Variants in TSHZ2 observed in about 807,000 individuals in gnomAD.
TSHZ2 encodes teashirt homolog 2.
A neutral mutation model predicts 74.4 loss-of-function variants in TSHZ2; 21 were observed. The observed-to-expected ratio is 0.28, with a 90% CI of 0.20 to 0.41. TSHZ2 has a LOEUF of 0.41. Ranked by LOEUF, TSHZ2 falls within the 10% of genes least tolerant of loss-of-function variation. The probability of loss-of-function intolerance (pLI) is 1.00; values close to 1 mark genes in which losing one functional copy is unlikely to be tolerated. For synonymous variants in TSHZ2, 540 were observed against 515.3 expected (o/e 1.05, Z -0.65); for missense variants, 1,244 against 1,293.5 (o/e 0.96, Z 0.59).
intron 1 of TSHZ2, among the ~76,000 whole-genome samples, chr20:53,175,303 G>A (rs551941771): frequency 6.6e-6 from 1 of 151,724 alleles, no homozygotes; most frequent in South Asian, 2.1e-4. Flanking sequence ...ACCACGCCTG[G>A]CTAATTTTTT....
At chr20:53,180,113 ATTAC>A (rs1251787244) in intron 1 of TSHZ2, among the ~76,000 whole-genome samples, 2 of 152,064 alleles carry the variant, frequency 1.3e-5, no homozygotes, top group African/African-American at 2.4e-5. Flanking sequence ...TTCCCCATTA[ATTAC>A]TTCAGTAGCT....
chr20:53,028,443 A>G (rs1477891617), intron 1 of TSHZ2, among the ~76,000 whole-genome samples: 2 of 152,240 alleles, frequency 1.3e-5, no homozygotes, highest in African/African-American at 4.8e-5. Flanking sequence ...TTTATTGCCT[A>G]ACACCTTGGC....
intron 2 of TSHZ2, among the ~76,000 whole-genome samples, chr20:53,440,664 C>G (rs373956541): frequency 6.6e-6 from 1 of 152,074 alleles, no homozygotes; most frequent in South Asian, 2.1e-4. Flanking sequence ...TTGGCTGTGC[C>G]GTAGAGTTGG....
intron 2 of TSHZ2, among the ~76,000 whole-genome samples, chr20:53,382,773 C>A (rs1044337648): frequency 6.6e-6 from 1 of 152,192 alleles, no homozygotes; most frequent in African/African-American, 2.4e-5. Flanking sequence ...TGCAAAACTG[C>A]AGACTTTCAT....
At chr20:53,378,485 G>T (rs1156687017) in intron 2 of TSHZ2, among the ~76,000 whole-genome samples, 1 of 151,864 alleles carries the variant, frequency 6.6e-6, no homozygotes, top group Non-Finnish European at 1.5e-5. Context: ...CTTCAAATTT[G>T]TACTGAATTT....
intron 2 of TSHZ2, among the ~76,000 whole-genome samples, chr20:53,287,996 C>G (rs912099606): frequency 2.6e-5 from 4 of 151,508 alleles, no homozygotes; most frequent in African/African-American, 9.6e-5. Context: ...TCATAAAATT[C>G]CACTATAATT....
rs188799842 is a variant in TSHZ2, at chr20:53,352,831, G to A, written c.*8+96260G>A. On this transcript the variant is annotated intron_variant, in intron 2 of 2. Coordinates refer to ENST00000371497, the MANE Select transcript of TSHZ2 (RefSeq NM_173485.6). ...GATGAGAATTTTAGGCATCAACTTC[G>A]GAGAGGAAAGAAAAATTATTTGGAG... Among the ~76,000 whole-genome samples, 122 of 151,150 alleles carry A rather than the reference G, an allele frequency of 8.1e-4. 2 individuals carry two copies. The East Asian group carries it at 0.02, about 24-fold the overall frequency.
At chr20:53,070,573 G>A (rs560765267) in intron 1 of TSHZ2, among the ~76,000 whole-genome samples, 3 of 152,310 alleles carry the variant, frequency 2.0e-5, no homozygotes, top group South Asian at 2.1e-4. Flanking sequence ...TGCGAAAAGA[G>A]TAATTCACAA....
intron 2 of TSHZ2, among the ~76,000 whole-genome samples, chr20:53,455,098 T>C (rs1985000124): frequency 6.6e-6 from 1 of 152,130 alleles, no homozygotes; most frequent in African/African-American, 2.4e-5. Context: ...CAGCACCTGA[T>C]TAAAGCCTTT....
intron 1 of TSHZ2, among the ~76,000 whole-genome samples, chr20:53,066,354 T>C (rs571169096): frequency 6.6e-6 from 1 of 152,104 alleles, no homozygotes; most frequent in South Asian, 2.1e-4. Flanking sequence ...AAAGACTGCT[T>C]CTCCTTCACT....
intron 1 of TSHZ2, among the ~76,000 whole-genome samples, chr20:53,152,690 T>C (rs1987702996): frequency 6.6e-6 from 1 of 152,246 alleles, no homozygotes; most frequent in African/African-American, 2.4e-5. Flanking sequence ...TAGAAAGATT[T>C]AATGAGTTGA....
intron 1 of TSHZ2, among the ~76,000 whole-genome samples, chr20:53,046,747 C>T (rs1984242872): frequency 6.6e-6 from 1 of 152,158 alleles, no homozygotes; most frequent in South Asian, 2.1e-4. Context: ...GCCCCATGAC[C>T]TTAAACAAGT....
At chr20:53,050,133 ATATATGTG>A (rs1984395704) in intron 1 of TSHZ2, among the ~76,000 whole-genome samples, 3 of 99,294 alleles carry the variant, frequency 3.0e-5, no homozygotes, top group African/African-American at 1.0e-4. Flanking sequence ...ATACACATAT[ATATATGTG>A]TATATATATA....
intron 1 of TSHZ2, among the ~76,000 whole-genome samples, chr20:53,019,214 C>A (rs1983146080): frequency 6.6e-6 from 1 of 151,316 alleles, no homozygotes; most frequent in Non-Finnish European, 1.5e-5. Context: ...TCCTCCCAGA[C>A]TGTGTTTCAA....
chr20:53,023,234 C>T (rs536617593), intron 1 of TSHZ2, among the ~76,000 whole-genome samples: 2 of 152,304 alleles, frequency 1.3e-5, no homozygotes, highest in Middle Eastern at 3.4e-3. Flanking sequence ...TACTGTCCAA[C>T]ATGAGACACT....
chr20:53,220,279 G>GA (rs1304790481), intron 1 of TSHZ2, among the ~76,000 whole-genome samples: 4 of 152,132 alleles, frequency 2.6e-5, no homozygotes, highest in Non-Finnish European at 5.9e-5. Flanking sequence ...ATTTCAGAAT[G>GA]AAAAAATGAA....
At chr20:53,059,860 T>C (rs576917080) in intron 1 of TSHZ2, among the ~76,000 whole-genome samples, 12 of 152,350 alleles carry the variant, frequency 7.9e-5, no homozygotes, top group Admixed American at 6.5e-4. Flanking sequence ...CCCTTTGGAA[T>C]ACCCAGTCGT....
intron 1 of TSHZ2, among the ~76,000 whole-genome samples, chr20:53,120,411 TA>T (rs955156101): frequency 1.3e-4 from 19 of 151,558 alleles, no homozygotes; most frequent in Admixed American, 4.6e-4. Context: ...TTTGTATCTT[TA>T]AAAAAAAAGT....
rs373776626 is a variant in TSHZ2 at position 53,286,870 on chromosome 20, G to A, written c.*8+30299G>A. Among the ~76,000 whole-genome samples the A allele has an allele frequency of 3.4e-5, 5 of 148,080 alleles. No individual in the cohort carries two copies. The South Asian group carries it at 8.6e-4, about 25-fold the overall frequency. On this transcript the variant is annotated intron_variant, in intron 2 of 2. Coordinates refer to ENST00000371497, the MANE Select transcript of TSHZ2 (RefSeq NM_173485.6). Reference sequence around the variant, plus strand: ...TACTTCAGCATGGGTAACAGAGCAAGACCCTGTCTCAAAAATACACACACA... The same window carrying A: ...TACTTCAGCATGGGTAACAGAGCAAAACCCTGTCTCAAAAATACACACACA...
Sources: gnomAD v4.1 joint callset for allele counts (sites outside exome capture counted in the v4.1 genomes callset) on GRCh38, gnomAD v4.1.1 for gene constraint, MANE v1.5 for transcripts, NCBI Gene and HGNC (gene_info 2026-07-23, HGNC 2026-07-21) for gene names.